LDB2: variants seen among roughly 807,000 people sequenced by gnomAD.
LDB2 encodes LIM domain-binding protein 2.
LDB2 carries 12 observed loss-of-function variants against 44.3 expected under a neutral mutation model. That is an observed-to-expected ratio of 0.27 (90% confidence interval 0.17 to 0.44). LDB2 has a LOEUF of 0.44. Ranked by LOEUF, LDB2 falls within the 20% of genes least tolerant of loss-of-function variation. LDB2 has a pLI of 1.00. For missense variants in LDB2, 344 were observed against 473.5 expected (o/e 0.73, Z 2.54); for synonymous variants, 164 against 174.8 (o/e 0.94, Z 0.49).
chr4:16,722,418 GACACC>G (rs1212159779), intron 2 of LDB2, among the ~76,000 whole-genome samples: 1 of 152,094 alleles, frequency 6.6e-6, no homozygotes, highest in Non-Finnish European at 1.5e-5. Flanking sequence ...GCCCTCTCAG[GACACC>G]TCTCAGGACC....
chr4:16,757,217 G>C (rs1285252159), intron 2 of LDB2, among the ~76,000 whole-genome samples: 1 of 152,154 alleles, frequency 6.6e-6, no homozygotes, highest in Non-Finnish European at 1.5e-5. Context: ...CTCAGTCTTG[G>C]GCTGTCAATC....
At chr4:16,631,227 A>G (rs1731861167) in intron 2 of LDB2, among the ~76,000 whole-genome samples, 1 of 152,224 alleles carries the variant, frequency 6.6e-6, no homozygotes, top group South Asian at 2.1e-4. Context: ...AAATCACAAC[A>G]AACTGTCTCT....
intron 2 of LDB2, among the ~76,000 whole-genome samples, chr4:16,690,678 C>T (rs1045819532): frequency 6.6e-6 from 1 of 152,062 alleles, no homozygotes; most frequent in East Asian, 1.9e-4. Flanking sequence ...CAATGGACAA[C>T]CCTCAGGCTC....
chr4:16,503,217 T>C, intron 7 of LDB2: 1 of 1,356,670 alleles, frequency 7.4e-7, no homozygotes, highest in Non-Finnish European at 1.0e-6. Flanking sequence ...GAGAGGGCTG[T>C]GGAACCTTCT....
intron 2 of LDB2, among the ~76,000 whole-genome samples, chr4:16,663,952 A>C (rs1416938711): frequency 1.3e-5 from 2 of 152,190 alleles, no homozygotes; most frequent in Non-Finnish European, 1.5e-5. Context: ...ATTAACACAG[A>C]CATTCTCAAT....
intron 1 of LDB2, among the ~76,000 whole-genome samples, chr4:16,791,424 G>A (rs1487177880): frequency 1.3e-5 from 2 of 151,788 alleles, no homozygotes; most frequent in Admixed American, 1.3e-4. Context: ...GCATGGTCGT[G>A]AGCACCTGTA....
At chr4:16,741,530 TAAG>T (rs1763240518) in intron 2 of LDB2, 2 of 152,204 alleles carry the variant, frequency 1.3e-5, no homozygotes, top group Admixed American at 1.3e-4. Context: ...CTGTGATGCA[TAAG>T]AACCTGTAGA....
At chr4:16,837,498 T>C (rs1231553798) in intron 1 of LDB2, among the ~76,000 whole-genome samples, 1 of 152,222 alleles carries the variant, frequency 6.6e-6, no homozygotes, top group Admixed American at 6.5e-5. Flanking sequence ...ACTTGCTCTA[T>C]TGAATGTTCA....
intron 1 of LDB2, among the ~76,000 whole-genome samples, chr4:16,813,421 G>A (rs958426943): frequency 7.2e-5 from 11 of 152,046 alleles, no homozygotes; most frequent in African/African-American, 2.2e-4. Flanking sequence ...CAGTAAATAC[G>A]AGACAATATT....
chr4:16,537,701 C>T (rs563777836), intron 5 of LDB2, among the ~76,000 whole-genome samples: 3 of 152,312 alleles, frequency 2.0e-5, no homozygotes, highest in South Asian at 2.1e-4. Flanking sequence ...GGATCCTCTA[C>T]TTCCTTTTAG....
intron 2 of LDB2, among the ~76,000 whole-genome samples, chr4:16,749,299 G>T (rs1289175505): frequency 1.8e-4 from 28 of 151,984 alleles, no homozygotes. Context: ...TCTCGGCGGG[G>T]TGTGGTGGCT....
chr4:16,843,532 A>G (rs1561414142), intron 1 of LDB2, among the ~76,000 whole-genome samples: 2 of 152,244 alleles, frequency 1.3e-5, no homozygotes, highest in Admixed American at 6.5e-5. Context: ...AGATATTTTA[A>G]ACCTATACAT....
intron 1 of LDB2, among the ~76,000 whole-genome samples, chr4:16,882,021 G>T (rs926126689): frequency 6.6e-6 from 1 of 152,178 alleles, no homozygotes; most frequent in African/African-American, 2.4e-5. Context: ...AGCAATTTAG[G>T]GTGTGAGTGT....
chr4:16,591,872 CCTTT>C (rs1219097888), intron 3 of LDB2, among the ~76,000 whole-genome samples: 2 of 143,046 alleles, frequency 1.4e-5, no homozygotes, highest in South Asian at 4.7e-4. Flanking sequence ...CTGAAGTCGG[CCTTT>C]TTTTTTTTTA....
intron 2 of LDB2, among the ~76,000 whole-genome samples, chr4:16,622,973 G>C (rs1252469456): frequency 6.6e-6 from 1 of 152,102 alleles, no homozygotes; most frequent in African/African-American, 2.4e-5. Flanking sequence ...TATACCACTA[G>C]ACACTTTGAG....
intron 5 of LDB2, among the ~76,000 whole-genome samples, chr4:16,536,461 A>ACT (rs1196775249): frequency 6.6e-6 from 1 of 152,186 alleles, no homozygotes; most frequent in African/African-American, 2.4e-5. Flanking sequence ...GGCCTCTGCT[A>ACT]CTGTCCAGAG....
intron 2 of LDB2, among the ~76,000 whole-genome samples, chr4:16,750,007 A>AT (rs145739292): frequency 0.016 from 2,366 of 152,126 alleles, 64 homozygotes; most frequent in African/African-American, 0.054. Flanking sequence ...TTTTAATTCT[A>AT]TTTTTGTCAT....
intron 2 of LDB2, among the ~76,000 whole-genome samples, chr4:16,597,138 C>T (rs970227354): frequency 2.6e-5 from 4 of 151,854 alleles, no homozygotes; most frequent in South Asian, 2.1e-4. Flanking sequence ...ATCTATATCT[C>T]TTTTGTACAT....
At chr4:16,656,855 TAATTA>T (rs1252461741) in intron 2 of LDB2, among the ~76,000 whole-genome samples, 2 of 152,238 alleles carry the variant, frequency 1.3e-5, no homozygotes, top group Non-Finnish European at 2.9e-5. Flanking sequence ...TCATAATTGA[TAATTA>T]AATTAAAATT....
Sources: gnomAD v4.1 joint callset for allele counts (sites outside exome capture counted in the v4.1 genomes callset) on GRCh38, gnomAD v4.1.1 for gene constraint, MANE v1.5 for transcripts, NCBI Gene and HGNC (gene_info 2026-07-23, HGNC 2026-07-21) for gene names.